Variants in MIB1 observed in about 807,000 individuals in gnomAD.
The protein encoded by MIB1 is E3 ubiquitin-protein ligase MIB1.
MIB1 carries 278 observed loss-of-function variants against 124.5 expected under a neutral mutation model. The observed-to-expected ratio is 2.23, with a 90% CI of 2.02 to 2.47. The LOEUF (loss-of-function observed/expected upper bound fraction) is 2.47. MIB1 is among the 30% of genes most tolerant of loss of function. The pLI is 0.00. For synonymous variants in MIB1, 446 were observed against 429.4 expected (o/e 1.04, Z -0.48); for missense variants, 957 against 1,254.4 (o/e 0.76, Z 3.58).
chr18:21,750,651 A>T (rs2040964351), intron 1 of MIB1, among the ~76,000 whole-genome samples: 1 of 151,684 alleles, frequency 6.6e-6, no homozygotes, highest in South Asian at 2.1e-4. Context: ...TTTAGTAGAG[A>T]TGGGGTTTCA....
intron 1 of MIB1, among the ~76,000 whole-genome samples, chr18:21,749,107 CT>C (rs1035251976): frequency 3.3e-5 from 5 of 151,756 alleles, no homozygotes; most frequent in South Asian, 4.1e-4. Context: ...TTGTTTCATT[CT>C]TTTTTTTCCA....
At chr18:21,716,477 G>T (rs377750026) in intron 1 of MIB1, among the ~76,000 whole-genome samples, 2 of 152,048 alleles carry the variant, frequency 1.3e-5, no homozygotes, top group Non-Finnish European at 2.9e-5. Context: ...AAAAGCAAAC[G>T]TACACAGGCA....
rs374129073 is a variant in MIB1 at position 21,741,629 on chromosome 18, G to A, written c.46G>A (p.Ala16Thr). 3 of 1,607,016 alleles carry A rather than the reference G, an allele frequency of 1.9e-6. No individual in the cohort carries two copies. The highest frequency in any genetic ancestry group is 3.4e-5 in the Admixed American group (2 of 59,298). The change falls in exon 1 of 21, where the codon GCT becomes ACT. Residue 16 changes from alanine to threonine, a missense_variant. Physicochemically the swap from Ala to Thr is moderately conservative, Grantham distance 58. Coordinates refer to ENST00000261537, the MANE Select transcript of MIB1 (RefSeq NM_020774.4). This position sits in a 1 kb window ranked among gnomAD's most constrained non-coding sequence, Gnocchi z 5.4. ...CCGGGTGATGGTGGAAGGGGTTGGCGCTCGGGTAGTGCGCGGCCCGGACTG... is the reference window on the plus strand; with the variant it reads ...CCGGGTGATGGTGGAAGGGGTTGGCACTCGGGTAGTGCGCGGCCCGGACTG... ...NNRVMVEGVG[A>T]RVVRGPDWKW...
intron 1 of MIB1, among the ~76,000 whole-genome samples, chr18:21,746,426 T>C (rs1489869361): frequency 6.6e-6 from 1 of 151,708 alleles, no homozygotes; most frequent in Non-Finnish European, 1.5e-5. Flanking sequence ...AGTATCTGTT[T>C]GAGTGATATA....
At chr18:21,829,227 T>G (rs1315825033) in intron 12 of MIB1, 2 of 344,276 alleles carry the variant, frequency 5.8e-6, no homozygotes. Context: ...TGTAACAAGT[T>G]TACCTGAAGC....
chr18:21,812,841 G>A (rs538612953), intron 10 of MIB1, among the ~76,000 whole-genome samples: 1 of 152,262 alleles, frequency 6.6e-6, no homozygotes, highest in South Asian at 2.1e-4. Context: ...ACTAGGAACA[G>A]GACAGGCACA....
chr18:21,749,926 G>A (rs867326775), intron 1 of MIB1, among the ~76,000 whole-genome samples: 30 of 151,936 alleles, frequency 2.0e-4, no homozygotes, highest in Middle Eastern at 3.4e-3. Context: ...ACAGGCATGA[G>A]CCATCACACC....
chr18:21,838,915 G>A (rs1051177631), intron 13 of MIB1, among the ~76,000 whole-genome samples: 1 of 152,152 alleles, frequency 6.6e-6, no homozygotes, highest in Non-Finnish European at 1.5e-5. Flanking sequence ...GATTTATTTC[G>A]TAACTACTGC....
intron 8 of MIB1, among the ~76,000 whole-genome samples, chr18:21,798,577 C>T (rs1419904144): frequency 1.3e-5 from 2 of 152,122 alleles, no homozygotes; most frequent in African/African-American, 2.4e-5. Flanking sequence ...AGAACCATCA[C>T]TTTCTTAGAC....
intron 12 of MIB1, among the ~76,000 whole-genome samples, chr18:21,820,145 A>T (rs1334403661): frequency 6.6e-6 from 1 of 152,202 alleles, no homozygotes; most frequent in African/African-American, 2.4e-5. Flanking sequence ...TTGCTGGTTG[A>T]CATTTGAGAA....
chr18:21,794,499 AC>A (rs1458909206), intron 7 of MIB1, among the ~76,000 whole-genome samples: 1 of 151,994 alleles, frequency 6.6e-6, no homozygotes, highest in Non-Finnish European at 1.5e-5. Context: ...AGAAAGGAAA[AC>A]TAAACCCAAA....
At position 21,808,976 on chromosome 18, in the gene MIB1, A is replaced by C. The variant is rs928506173; in HGVS notation, c.1479+4962A>C. On this transcript the variant is annotated intron_variant, in intron 10 of 20. Transcript: ENST00000261537. ...AAAACTGCTTCAAATGGAGAAGATT[A>C]GTAGTAGGGAACAATACTAGACTTT... is the stretch of plus-strand genomic sequence containing the variant. 4.6e-5 allele frequency among the ~76,000 whole-genome samples: 7 copies of C among 152,278 alleles called. No homozygotes were observed. In the South Asian group the frequency reaches 1.4e-3, roughly 32 times the overall value.
intron 13 of MIB1, among the ~76,000 whole-genome samples, chr18:21,841,673 A>G (rs928164365): frequency 2.6e-5 from 4 of 152,144 alleles, no homozygotes; most frequent in Admixed American, 6.5e-5. Flanking sequence ...GGTTTCTTAC[A>G]AAGTTTGACA....
intron 10 of MIB1, among the ~76,000 whole-genome samples, chr18:21,806,975 A>T (rs926856419): frequency 6.6e-6 from 1 of 152,218 alleles, no homozygotes; most frequent in Non-Finnish European, 1.5e-5. Context: ...GGTGAGATAC[A>T]TGGGACTTTT....
Position 21,869,397 on chromosome 18 carries a change from GA to G in MIB1, c.*4734del, listed in dbSNP as rs1008675766. 1 of 152,336 alleles carries G rather than the reference GA, an allele frequency of 6.6e-6. No homozygotes were observed. The highest frequency in any genetic ancestry group is 2.4e-5 in the African/African-American group (1 of 41,380). 9.4% of individuals were successfully genotyped at this position (152,336 alleles called of 1,614,324 possible). Reference sequence around the variant, plus strand: ...TCAAGCAATTGTCAGTTATATTTTGGAAACTCCATCTGTGTAATTCTCCAGT... The same window carrying G: ...TCAAGCAATTGTCAGTTATATTTTGGAACTCCATCTGTGTAATTCTCCAGT... On this transcript the variant is annotated 3_prime_UTR_variant, in exon 21 of 21. Coordinates refer to ENST00000261537, the MANE Select transcript of MIB1 (RefSeq NM_020774.4).
At chr18:21,734,958 A>G (rs2040789512) in intron 1 of MIB1, among the ~76,000 whole-genome samples, 1 of 152,242 alleles carries the variant, frequency 6.6e-6, no homozygotes, top group Non-Finnish European at 1.5e-5. Flanking sequence ...CAGTTTTTTC[A>G]TAATACACAT....
At chr18:21,830,431 G>A (rs1483120534) in intron 12 of MIB1, among the ~76,000 whole-genome samples, 2 of 152,038 alleles carry the variant, frequency 1.3e-5, no homozygotes, top group African/African-American at 4.8e-5. Flanking sequence ...AAGATAAAAA[G>A]TTACTGCCAT....
At chr18:21,751,792 A>G (rs769316799) in intron 1 of MIB1, among the ~76,000 whole-genome samples, 1 of 151,916 alleles carries the variant, frequency 6.6e-6, no homozygotes, top group African/African-American at 2.4e-5. Flanking sequence ...TCACCCCTAA[A>G]CCTGACTGAT....
chr18:21,806,992 TTCC>T (rs1768291093), intron 10 of MIB1, among the ~76,000 whole-genome samples: 1 of 152,240 alleles, frequency 6.6e-6, no homozygotes, highest in African/African-American at 2.4e-5. Context: ...TTTTACCATA[TTCC>T]TCATTTGGAT....
Sources: allele counts gnomAD v4.1 joint callset (sites outside exome capture counted in the v4.1 genomes callset), GRCh38; gene constraint gnomAD v4.1.1; non-coding constraint Gnocchi (gnomAD v3.1); transcripts MANE v1.5; gene names NCBI Gene and HGNC (gene_info 2026-07-23, HGNC 2026-07-21).